LDAF1: variants seen among roughly 807,000 people sequenced by gnomAD.
LDAF1 encodes PROMETHIN.
LDAF1 carries 7 observed loss-of-function variants against 13.5 expected under a neutral mutation model. The ratio of observed to expected loss-of-function variants is 0.52; its 90% CI spans 0.29 to 0.97. The LOEUF (loss-of-function observed/expected upper bound fraction) is 0.97, where lower values mean the gene tolerates loss of function less well. Ranked by LOEUF, LDAF1 falls within the 50% of genes least tolerant of loss-of-function variation. The pLI, the probability that LDAF1 is intolerant of heterozygous loss-of-function variation, is 0.07. For missense variants in LDAF1, 148 were observed against 193.2 expected (o/e 0.77, Z 1.39); for synonymous variants, 69 against 77.1 (o/e 0.89, Z 0.55).
chr16:21,170,475 GGACA>G lies in LDAF1; in HGVS notation c.137_140del (p.Asp46AlafsTer39), dbSNP rs2093076363. ...TGAAGTCTCCAGTGGGTCAGTACTT[GGACA>G]GCCATCCGTTTCTGGCCTTCACCTT... On this transcript the variant is annotated frameshift_variant, in exon 3 of 5. Coordinates refer to ENST00000233047, the MANE Select transcript of LDAF1 (RefSeq NM_001301771.2). LOFTEE classifies it high-confidence loss of function. 6.2e-7 allele frequency: 1 copy of G among 1,613,940 alleles called. No individual in the cohort carries two copies. The highest frequency in any genetic ancestry group is 1.3e-5 in the African/African-American group (1 of 74,876).
intron 2 of LDAF1, among the ~76,000 whole-genome samples, chr16:21,162,373 C>T (rs2092984458): frequency 6.8e-6 from 1 of 147,988 alleles, no homozygotes; most frequent in Admixed American, 6.9e-5. Context: ...ATTCAGTGGC[C>T]ACTCAGTGGC....
At chr16:21,167,696 G>GTTTATTTTTTTTTTT (rs1756053559) in intron 2 of LDAF1, among the ~76,000 whole-genome samples, 1 of 89,092 alleles carries the variant, frequency 1.1e-5, no homozygotes, top group South Asian at 4.7e-4. Context: ...CCTTAGGTTT[G>GTTTATTTTTTTTTTT]TTTTTTTTTT....
chr16:21,170,516 T>C lies in LDAF1; in HGVS notation c.176T>C (p.Ile59Thr), dbSNP rs2093077132. The C allele has an allele frequency of 3.1e-6, 5 of 1,614,046 alleles. No individual in the cohort carries two copies. Among genetic ancestry groups the C allele is most frequent in the African/African-American group, 1.3e-5 (1 of 74,918 alleles). ...CTGGCCTTCACCTTGCTGGTGTTCA[T>C]TGTCATGTCGGCCGTTCCTGTTGGA... ...PFLAFTLLVF[I>T]VMSAVPVGFF... The change falls in exon 3 of 5, where the codon ATT (isoleucine) becomes ACT (threonine). Residue 59 changes from isoleucine (I) to threonine (T), a missense_variant. Physicochemically the swap from Ile to Thr is moderately conservative, Grantham distance 89. Coordinates refer to ENST00000233047, the MANE Select transcript of LDAF1 (RefSeq NM_001301771.2).
intron 4 of LDAF1, among the ~76,000 whole-genome samples, chr16:21,174,770 T>G (rs2093124324): frequency 6.6e-6 from 1 of 152,176 alleles, no homozygotes; most frequent in Non-Finnish European, 1.5e-5. Flanking sequence ...ATTAGGTGGT[T>G]TTCTTTGGCG....
intron 2 of LDAF1, chr16:21,167,022 G>A (rs2093030736): frequency 1.0e-6 from 1 of 997,746 alleles, no homozygotes; most frequent in Non-Finnish European, 1.5e-6. Context: ...CGGGCATTAT[G>A]CCGTCCTGTG....
rs1196933812 is a variant in LDAF1 at position 21,180,252 on chromosome 16, G to A, written c.*696G>A. On this transcript the variant is annotated 3_prime_UTR_variant, in exon 5 of 5. Transcript: ENST00000233047. ...CTTTTTTTTTTTTTTTTTTTTTTGT[G>A]ACGGAGTTTCCCTCTTGTTGCCCAG... The A allele has an allele frequency of 3.3e-5, 1 of 30,646 alleles. No individual in the cohort carries two copies. The highest frequency in any genetic ancestry group is 1.4e-4 in the African/African-American group (1 of 7,278). 1.9% of individuals were successfully genotyped at this position (30,646 alleles called of 1,614,324 possible).
rs185669864 is a variant in LDAF1 at position 21,158,987 on chromosome 16, C to T, written c.-99+241C>T. Among the ~76,000 whole-genome samples, 8 of 151,880 alleles carry T rather than the reference C, an allele frequency of 5.3e-5. No homozygotes were observed. The East Asian group carries it at 1.6e-3, about 30-fold the overall frequency. ...CTCCCCACCCCTAAATGCACACTCA[C>T]CCCGCCACCCCCCAACACACACACA... On this transcript the variant is annotated intron_variant, in intron 1 of 4. Transcript: ENST00000233047.
rs116218223 is a variant in LDAF1, at chr16:21,179,710, A to G, written c.*154A>G. On this transcript the variant is annotated 3_prime_UTR_variant, in exon 5 of 5. Transcript: ENST00000233047. ...TACTTGTAGGATCCCGCAGCAGCCA[A>G]TTTAGGGATTGTGTTGTTCTTGTGT... The G allele has an allele frequency of 2.0e-3, 1,248 of 615,570 alleles. 16 individuals are homozygous for G. Among genetic ancestry groups the G allele is most frequent in the African/African-American group, 0.018 (977 of 53,778 alleles). The allele number at this position is 615,570 out of a possible 1,614,324, so 38.1% of individuals were successfully genotyped here.
chr16:21,160,620 C>T (rs2092960938), intron 1 of LDAF1, among the ~76,000 whole-genome samples: 1 of 152,182 alleles, frequency 6.6e-6, no homozygotes, highest in Non-Finnish European at 1.5e-5. Context: ...TTCTTGCTTT[C>T]TGTATATTTT....
intron 2 of LDAF1, among the ~76,000 whole-genome samples, chr16:21,168,785 T>A (rs1297440138): frequency 7.5e-6 from 1 of 132,624 alleles, no homozygotes; most frequent in East Asian, 2.1e-4. Flanking sequence ...TATTTATATT[T>A]TTATAAATAT....
At chr16:21,176,939 T>C (rs2152850845) in intron 4 of LDAF1, among the ~76,000 whole-genome samples, 1 of 151,938 alleles carries the variant, frequency 6.6e-6, no homozygotes, top group South Asian at 2.1e-4. Flanking sequence ...TATTTCTTTT[T>C]AAAAAATTTT....
chr16:21,176,326 A>AT (rs1214389788), intron 4 of LDAF1, among the ~76,000 whole-genome samples: 1 of 152,162 alleles, frequency 6.6e-6, no homozygotes, highest in Non-Finnish European at 1.5e-5. Flanking sequence ...CTCAAGTCCC[A>AT]TTTTACCTTC....
intron 3 of LDAF1, among the ~76,000 whole-genome samples, chr16:21,171,549 A>G (rs568787823): frequency 2.6e-4 from 39 of 152,294 alleles, no homozygotes; most frequent in African/African-American, 9.4e-4. Flanking sequence ...GAGTACCATA[A>G]GAAAGGAAAT....
chr16:21,176,451 T>C (rs1165374391), intron 4 of LDAF1, among the ~76,000 whole-genome samples: 1 of 152,202 alleles, frequency 6.6e-6, no homozygotes, highest in Non-Finnish European at 1.5e-5. Flanking sequence ...AAGACCAACC[T>C]AGGCAACATG....
chr16:21,178,524 C>T (rs1391914103), intron 4 of LDAF1: 1 of 387,494 alleles, frequency 2.6e-6, no homozygotes, highest in East Asian at 1.6e-4. Flanking sequence ...GCTGGTGCAG[C>T]CAGTGTGGTA....
rs746273804 is a variant in LDAF1 at position 21,170,487 on chromosome 16, G to A, written c.147G>A (p.Pro49=). ...SPVGQYLDSH[P]FLAFTLLVFI... The stretch of plus-strand genomic sequence containing the variant: ...TGGGTCAGTACTTGGACAGCCATCC[G>A]TTTCTGGCCTTCACCTTGCTGGTGT... Residue 49 remains proline, a synonymous_variant, in exon 3 of 5, where the codon CCG becomes CCA. Transcript: ENST00000233047. 3.2e-5 allele frequency: 52 copies of A among 1,613,992 alleles called. No homozygotes were observed. The Admixed American group carries it at 5.5e-4, about 17-fold the overall frequency.
intron 2 of LDAF1, among the ~76,000 whole-genome samples, chr16:21,161,879 T>C (rs2092978477): frequency 6.6e-6 from 1 of 152,172 alleles, no homozygotes; most frequent in Non-Finnish European, 1.5e-5. Context: ...TAATTTTGGC[T>C]GGGCATAGTG....
intron 4 of LDAF1, among the ~76,000 whole-genome samples, chr16:21,174,408 G>A (rs1489655927): frequency 6.6e-6 from 1 of 151,980 alleles, no homozygotes; most frequent in African/African-American, 2.4e-5. Flanking sequence ...TGTTGCCCAG[G>A]CTGTTCTCTA....
chr16:21,160,894 G>C, intron 1 of LDAF1, 191 bp from the exon 2 acceptor site: 1 of 519,752 alleles, frequency 1.9e-6, no homozygotes, highest in African/African-American at 1.9e-5. Flanking sequence ...TGAGATACCT[G>C]TTGGATTATT....
Sources: gnomAD v4.1 joint callset for allele counts (sites outside exome capture counted in the v4.1 genomes callset) on GRCh38, gnomAD v4.1.1 for gene constraint, MANE v1.5 for transcripts, NCBI Gene and HGNC (gene_info 2026-07-23, HGNC 2026-07-21) for gene names.